Variants in ARHGAP24 observed in about 807,000 individuals in gnomAD.
ARHGAP24 encodes Rho GTPase activating protein 24.
ARHGAP24 carries 50 observed loss-of-function variants against 76.4 expected under a neutral mutation model. The ratio of observed to expected loss-of-function variants is 0.65; its 90% confidence interval spans 0.52 to 0.83. The LOEUF (loss-of-function observed/expected upper bound fraction) is 0.83. Ranked by LOEUF, ARHGAP24 falls within the 40% of genes least tolerant of loss-of-function variation. ARHGAP24 has a pLI of 0.00. For missense variants in ARHGAP24, 930 were observed against 914.2 expected (o/e 1.02, Z -0.22); for synonymous variants, 345 against 323.3 (o/e 1.07, Z -0.72).
chr4:85,843,199 T>C (rs950452821), intron 3 of ARHGAP24, among the ~76,000 whole-genome samples: 15 of 152,214 alleles, frequency 9.9e-5, no homozygotes, highest in Admixed American at 9.2e-4. Context: ...TTTAGGTTAA[T>C]ACTACCATTA....
At chr4:85,909,313 T>C (rs1248827281) in intron 3 of ARHGAP24, among the ~76,000 whole-genome samples, 1 of 150,276 alleles carries the variant, frequency 6.7e-6, no homozygotes, top group Non-Finnish European at 1.5e-5. Flanking sequence ...TTTTTTTTAA[T>C]TTGTGGTGTG....
chr4:85,848,033 C>A (rs1304085208), intron 3 of ARHGAP24, among the ~76,000 whole-genome samples: 2 of 152,130 alleles, frequency 1.3e-5, no homozygotes, highest in Non-Finnish European at 2.9e-5. Context: ...AATCTGTTTT[C>A]TATAACTTTT....
At chr4:85,622,562 T>G (rs1252730910) in intron 2 of ARHGAP24, among the ~76,000 whole-genome samples, 1 of 152,092 alleles carries the variant, frequency 6.6e-6, no homozygotes, top group East Asian at 1.9e-4. Flanking sequence ...AACATACGTG[T>G]GCATGTGTCT....
intron 5 of ARHGAP24, among the ~76,000 whole-genome samples, chr4:85,950,398 G>A (rs1737541130): frequency 6.6e-6 from 1 of 152,110 alleles, no homozygotes; most frequent in Admixed American, 6.5e-5. Context: ...AACTCAGGAG[G>A]CTGAGGCAGG....
chr4:85,982,211 T>A (rs765784043), intron 8 of ARHGAP24, among the ~76,000 whole-genome samples: 1 of 151,906 alleles, frequency 6.6e-6, no homozygotes, highest in Non-Finnish European at 1.5e-5. Flanking sequence ...TTCTTTAAAC[T>A]CTTGTTGCAA....
intron 3 of ARHGAP24, among the ~76,000 whole-genome samples, chr4:85,858,950 A>C (rs918497552): frequency 6.6e-6 from 1 of 151,860 alleles, no homozygotes; most frequent in African/African-American, 2.4e-5. Context: ...ACTCAGAAAA[A>C]AAAAATGCCT....
intron 1 of ARHGAP24, among the ~76,000 whole-genome samples, chr4:85,513,806 T>C (rs964714788): frequency 2.0e-5 from 3 of 152,230 alleles, no homozygotes; most frequent in African/African-American, 7.2e-5. Flanking sequence ...TCCCTTGTGA[T>C]GAATTCTCTT....
intron 1 of ARHGAP24, among the ~76,000 whole-genome samples, chr4:85,557,067 G>T (rs1726407597): frequency 3.3e-5 from 5 of 152,198 alleles, no homozygotes; most frequent in Admixed American, 3.3e-4. Flanking sequence ...ACAGGAGGGT[G>T]GGTTGCAGAG....
chr4:85,563,516 C>T (rs1251370647), intron 1 of ARHGAP24, among the ~76,000 whole-genome samples: 2 of 152,196 alleles, frequency 1.3e-5, no homozygotes, highest in East Asian at 3.8e-4. Context: ...CCCATTGGAT[C>T]AGCACCCCAT....
chr4:85,994,977 T>C lies in ARHGAP24; in HGVS notation c.1323T>C (p.Ser441=), dbSNP rs377322044. Residue 441 remains serine (S), a synonymous_variant, in exon 9 of 10, where the codon AGT becomes AGC. Transcript: ENST00000395184. ...GIVTNGSFSS[S]NAEGLEKTQT... ...TTACCAATGGGTCCTTCAGCAGCAG[T>C]AATGCAGAAGGTCTTGAGAAAACCC... The C allele has an allele frequency of 4.3e-6, 7 of 1,613,928 alleles. No homozygotes were observed. In the African/African-American group the frequency reaches 6.7e-5, roughly 15 times the overall value.
chr4:85,995,082 T>A lies in ARHGAP24; in HGVS notation c.1428T>A (p.Ser476Arg). 6.2e-7 allele frequency: 1 copy of A among 1,613,944 alleles called. No homozygotes were observed. Among genetic ancestry groups the A allele is most frequent in the South Asian group, 1.1e-5 (1 of 91,074 alleles). Residue 476 changes from serine (S) to arginine (R), a missense_variant, in exon 9 of 10, where the codon AGT (serine) becomes AGA (arginine). Physicochemically the swap from Ser to Arg is moderately radical, Grantham distance 110. Coordinates refer to ENST00000395184, the MANE Select transcript of ARHGAP24 (RefSeq NM_001025616.3). ...CTGGTACCAAAATGGGCACGCACAG[T>A]GTACAGAATGGAACGGTGCGCATGG... is the stretch of plus-strand genomic sequence containing the variant. ...KVSGTKMGTH[S>R]VQNGTVRMGI...
intron 1 of ARHGAP24, among the ~76,000 whole-genome samples, chr4:85,483,462 A>G (rs1722894855): frequency 6.6e-6 from 1 of 152,060 alleles, no homozygotes; most frequent in Non-Finnish European, 1.5e-5. Flanking sequence ...AAGTACAAAA[A>G]TTATCTGGGC....
intron 2 of ARHGAP24, among the ~76,000 whole-genome samples, chr4:85,682,072 A>G (rs1042776782): frequency 1.1e-4 from 17 of 152,180 alleles, no homozygotes; most frequent in African/African-American, 4.1e-4. Context: ...ATCTAACTCA[A>G]TTCTGGGCTT....
In ARHGAP24 at chr4:85,691,988, G is replaced by A. The variant is rs142563645; in HGVS notation, c.181-29897G>A. Among the ~76,000 whole-genome samples, 14 of 152,248 alleles carry A rather than the reference G, an allele frequency of 9.2e-5. No individual in the cohort carries two copies. The East Asian group carries it at 2.3e-3, about 25-fold the overall frequency. ...TGTTGTTCTATTGGTTCCACATTTA[G>A]CATTCTCTTAAGGACTTCTCGTAAG... On this transcript the variant is annotated intron_variant, in intron 2 of 9. Coordinates refer to ENST00000395184, the MANE Select transcript of ARHGAP24 (RefSeq NM_001025616.3).
At chr4:85,688,733 T>C (rs552196671) in intron 2 of ARHGAP24, among the ~76,000 whole-genome samples, 11 of 151,576 alleles carry the variant, frequency 7.3e-5, no homozygotes, top group Non-Finnish European at 1.6e-4. Context: ...ATCTTTAATC[T>C]ATTTTGAGTT....
intron 5 of ARHGAP24, among the ~76,000 whole-genome samples, chr4:85,956,497 C>A (rs907120942): frequency 6.6e-6 from 1 of 152,188 alleles, no homozygotes; most frequent in Non-Finnish European, 1.5e-5. Context: ...TGGTGGCAAG[C>A]CTTGTGCTCT....
chr4:85,988,396 C>T (rs1410840241), intron 8 of ARHGAP24, among the ~76,000 whole-genome samples: 3 of 151,060 alleles, frequency 2.0e-5, no homozygotes, highest in South Asian at 2.1e-4. Flanking sequence ...TGTATGACAA[C>T]GACAGAATAA....
intron 7 of ARHGAP24, among the ~76,000 whole-genome samples, chr4:85,976,344 A>C (rs1412675536): frequency 6.6e-6 from 1 of 152,168 alleles, no homozygotes; most frequent in East Asian, 1.9e-4. Flanking sequence ...CTGGTGTCAC[A>C]TCCTCCGGTG....
At chr4:85,891,296 C>T (rs947284520) in intron 3 of ARHGAP24, among the ~76,000 whole-genome samples, 2 of 149,712 alleles carry the variant, frequency 1.3e-5, no homozygotes, top group African/African-American at 4.9e-5. Context: ...ACAATCATGT[C>T]GTCTGCAAAC....
Sources: gnomAD v4.1 joint callset for allele counts (sites outside exome capture counted in the v4.1 genomes callset) on GRCh38, gnomAD v4.1.1 for gene constraint, MANE v1.5 for transcripts, NCBI Gene and HGNC (gene_info 2026-07-23, HGNC 2026-07-21) for gene names.